The following CLDN2 variants were observed in gnomAD, a reference collection of about 807,000 sequenced individuals.
The protein encoded by CLDN2 is claudin-2.
CLDN2 carries 1 observed loss-of-function variant against 8.2 expected under a neutral mutation model. That is an observed-to-expected ratio of 0.12 (90% CI 0.04 to 0.58). The LOEUF is 0.58. Ranked by LOEUF, CLDN2 falls within the 20% of genes least tolerant of loss-of-function variation. CLDN2 has a pLI of 0.90. For missense variants in CLDN2, 108 were observed against 172.9 expected (o/e 0.62, Z 2.11); for synonymous variants, 70 against 70.2 (o/e 1.00, Z 0.01).
chrX:106,907,805 TC>T (rs1429468389), intron 1 of CLDN2, among the ~76,000 whole-genome samples: 17 of 110,925 alleles, frequency 1.5e-4, no homozygotes, highest in Non-Finnish European at 3.2e-4. Context: ...AGTAAAATGT[TC>T]TTTGAAATTA....
intron 1 of CLDN2, among the ~76,000 whole-genome samples, chrX:106,921,064 C>T (rs187100651): frequency 4.5e-5 from 5 of 112,137 alleles, no homozygotes; most frequent in East Asian, 5.6e-4. Context: ...TTCCTTCTTT[C>T]GACTGAGGTA....
At chrX:106,904,267 A>G (rs1156660864) in intron 1 of CLDN2, among the ~76,000 whole-genome samples, 1 of 113,119 alleles carries the variant, frequency 8.8e-6, no homozygotes. Context: ...GCCTGAGCAC[A>G]GTCCTCGGCC....
At chrX:106,924,643 T>C (rs952001862) in intron 1 of CLDN2, among the ~76,000 whole-genome samples, 3 of 110,095 alleles carry the variant, frequency 2.7e-5, no homozygotes, top group African/African-American at 6.6e-5. Context: ...ATGATAGACA[T>C]TTAATATATA....
At chrX:106,923,089 C>T (rs1411177241) in intron 1 of CLDN2, among the ~76,000 whole-genome samples, 1 of 109,853 alleles carries the variant, frequency 9.1e-6, no homozygotes, top group Non-Finnish European at 1.9e-5. Flanking sequence ...ATTCTCCTGC[C>T]TCAGCCTCCC....
Position 106,925,781 on chromosome X carries a change from C to T in CLDN2, c.-178-2270C>T, listed in dbSNP as rs181506366. 1.1e-3 allele frequency among the ~76,000 whole-genome samples: 127 copies of T among 112,056 alleles called. 1 individual carries two copies. The highest frequency in any genetic ancestry group is 1.8e-3 in the Non-Finnish European group (94 of 53,138). Reference sequence around the variant, plus strand: ...CAGCATTTTGGGAGGCTGAGGTGGGCGGATCACTTGCAGTCAGGAGTTGGA... The same window carrying T: ...CAGCATTTTGGGAGGCTGAGGTGGGTGGATCACTTGCAGTCAGGAGTTGGA... On this transcript the variant is annotated intron_variant, in intron 1 of 1. Coordinates refer to ENST00000336803, the MANE Select transcript of CLDN2 (RefSeq NM_020384.4).
chrX:106,924,569 A>G (rs1428003254), intron 1 of CLDN2, among the ~76,000 whole-genome samples: 3 of 110,649 alleles, frequency 2.7e-5, no homozygotes, highest in East Asian at 5.7e-4. Context: ...CAACACTGGC[A>G]TTGGTGTTTC....
intron 1 of CLDN2, 123 bp from the exon 2 acceptor site, chrX:106,927,928 G>T (rs867625538): frequency 5.1e-6 from 1 of 195,410 alleles, no homozygotes; most frequent in Non-Finnish European, 9.0e-6. Context: ...GTTCAAAGTT[G>T]TTTTTTTTTT....
chrX:106,927,656 G>T (rs1317743614), intron 1 of CLDN2, among the ~76,000 whole-genome samples: 1 of 112,401 alleles, frequency 8.9e-6, no homozygotes, highest in Non-Finnish European at 1.9e-5. Context: ...TGGAGTCCAA[G>T]ACTACATTCT....
chrX:106,906,699 G>A (rs1183831922), intron 1 of CLDN2, among the ~76,000 whole-genome samples: 2 of 111,482 alleles, frequency 1.8e-5, no homozygotes, highest in Admixed American at 9.5e-5. Context: ...TCTGGTTAAA[G>A]GCTAATCCCT....
At chrX:106,923,443 A>C (rs1933422423) in intron 1 of CLDN2, among the ~76,000 whole-genome samples, 1 of 112,548 alleles carries the variant, frequency 8.9e-6, no homozygotes, top group African/African-American at 3.2e-5. Context: ...TCAAATAGAC[A>C]AGAAACGATG....
At chrX:106,922,902 T>TG (rs1933411429) in intron 1 of CLDN2, among the ~76,000 whole-genome samples, 1 of 110,534 alleles carries the variant, frequency 9.0e-6, no homozygotes, top group African/African-American at 3.3e-5. Context: ...GGTGAAATAA[T>TG]GGAGGGCTTT....
chrX:106,901,980 G>A (rs1322713889), intron 1 of CLDN2, among the ~76,000 whole-genome samples: 1 of 112,276 alleles, frequency 8.9e-6, no homozygotes, highest in African/African-American at 3.2e-5. Flanking sequence ...CAGAAAGCTT[G>A]GATCTGCTCT....
upstream of CLDN2, among the ~76,000 whole-genome samples, chrX:106,916,699 T>C (rs760665209): frequency 9.0e-6 from 1 of 111,311 alleles, no homozygotes; most frequent in South Asian, 3.9e-4. Context: ...CAATTGGCTT[T>C]CTCAAAGGGA....
intron 1 of CLDN2, among the ~76,000 whole-genome samples, chrX:106,924,809 C>T (rs1933444358): frequency 2.0e-5 from 2 of 102,245 alleles, no homozygotes; most frequent in Non-Finnish European, 3.9e-5. Context: ...CCTCTGATCC[C>T]CCATCTCTCT....
At position 106,930,063 on chromosome X, in the gene CLDN2, C is replaced by T. The variant is rs1279565556; in HGVS notation, c.*1142C>T. ...CTTCAGGCGTAATGGAAAATCAGCT[C>T]AAATGAGATCAGGCCCCCCCAGGGT... On this transcript the variant is annotated 3_prime_UTR_variant, in exon 2 of 2. Transcript: ENST00000336803. The T allele has an allele frequency of 4.1e-5, 5 of 122,857 alleles. No homozygotes were observed. Among genetic ancestry groups the T allele is most frequent in the African/African-American group, 1.6e-4 (5 of 30,624 alleles). 10.1% of individuals were successfully genotyped at this position (122,857 alleles called of 1,213,427 possible). A position where few individuals can be genotyped will look rare whatever the true frequency, so the allele number is the denominator to read the frequency against.
intron 1 of CLDN2, chrX:106,901,662 C>A (rs960400341): frequency 3.2e-5 from 20 of 623,825 alleles, no homozygotes; most frequent in Non-Finnish European, 4.8e-5. Context: ...TCTCTGGGAC[C>A]CAGCAACCCC....
chrX:106,926,924 CACACACAA>C (rs1365634428), intron 1 of CLDN2, among the ~76,000 whole-genome samples: 4 of 74,786 alleles, frequency 5.3e-5, no homozygotes, highest in Non-Finnish European at 1.0e-4. Context: ...CACACACACA[CACACACAA>C]ACTAGCCAGG....
chrX:106,906,694 T>C (rs1933183486), intron 1 of CLDN2, among the ~76,000 whole-genome samples: 1 of 111,570 alleles, frequency 9.0e-6, no homozygotes, highest in Non-Finnish European at 1.9e-5. Context: ...GCCCCTCTGG[T>C]TAAAGGCTAA....
At chrX:106,911,085 A>C (rs1933242368) in intron 1 of CLDN2, among the ~76,000 whole-genome samples, 1 of 112,027 alleles carries the variant, frequency 8.9e-6, no homozygotes, top group South Asian at 3.8e-4. Context: ...CAGGCTTTAG[A>C]AGCAGGCCTA....
Sources: allele counts gnomAD v4.1 joint callset (sites outside exome capture counted in the v4.1 genomes callset), GRCh38; gene constraint gnomAD v4.1.1; transcripts MANE v1.5; gene names NCBI Gene and HGNC (gene_info 2026-07-23, HGNC 2026-07-21).